DHX35: variants seen among roughly 807,000 people sequenced by gnomAD.
DHX35 encodes the protein DEAH-box helicase 35.
A neutral mutation model predicts 99.6 loss-of-function variants in DHX35; 84 were observed. The observed-to-expected ratio is 0.84, with a 90% confidence interval of 0.71 to 1.01. The LOEUF (loss-of-function observed/expected upper bound fraction) is 1.01, where lower values mean the gene tolerates loss of function less well. DHX35 is among the 50% of genes least tolerant of loss of function. DHX35 has a pLI of 0.00. For synonymous variants in DHX35, 331 were observed against 316.2 expected (o/e 1.05, Z -0.50); for missense variants, 852 against 888.5 (o/e 0.96, Z 0.52).
At chr20:38,986,407 T>A (rs1014128982) in intron 4 of DHX35, among the ~76,000 whole-genome samples, 1 of 152,174 alleles carries the variant, frequency 6.6e-6, no homozygotes, top group African/African-American at 2.4e-5. Flanking sequence ...TTATAGCAAA[T>A]GTATTCAAAT....
chr20:38,963,559 A>T (rs1275842958), intron 1 of DHX35, among the ~76,000 whole-genome samples: 1 of 152,248 alleles, frequency 6.6e-6, no homozygotes, highest in Non-Finnish European at 1.5e-5. Context: ...CTAGGAACTT[A>T]CTAAGTAATG....
In DHX35 at chr20:39,025,281, C is replaced by T; in HGVS notation, c.1723C>T (p.Leu575Phe). The change falls in exon 18 of 22, where the codon CTT becomes TTT. Residue 575 changes from leucine to phenylalanine, a missense_variant. Physicochemically the swap from Leu to Phe is conservative, Grantham distance 22 (BLOSUM62 0). Transcript: ENST00000252011. ...GGAACATTTCCTGAATTACAAGGGT[C>T]TTGTCAGAGCTGCGACTGTAAGAGA... ...CQEHFLNYKG[L>F]VRAATVREQL... 6.2e-7 allele frequency: 1 copy of T among 1,613,572 alleles called. No individual in the cohort carries two copies. The highest frequency in any genetic ancestry group is 8.5e-7 in the Non-Finnish European group (1 of 1,179,738).
intron 6 of DHX35, among the ~76,000 whole-genome samples, chr20:38,991,717 A>G (rs1038157378): frequency 6.6e-6 from 1 of 152,238 alleles, no homozygotes; most frequent in Non-Finnish European, 1.5e-5. Flanking sequence ...AAATGGGCAC[A>G]TTAAAATTCC....
At chr20:39,015,713 C>T (rs1450587097) in intron 14 of DHX35, among the ~76,000 whole-genome samples, 1 of 151,926 alleles carries the variant, frequency 6.6e-6, no homozygotes, top group Admixed American at 6.6e-5. Flanking sequence ...ATACAATTCA[C>T]TCGTTTACAG....
intron 1 of DHX35, among the ~76,000 whole-genome samples, chr20:38,966,048 A>G (rs188711050): frequency 3.3e-5 from 5 of 152,362 alleles, no homozygotes; most frequent in African/African-American, 1.2e-4. Context: ...CTATTTCATT[A>G]TTTAAAAAGT....
At chr20:38,995,880 A>G (rs909815283) in intron 8 of DHX35, among the ~76,000 whole-genome samples, 1 of 152,218 alleles carries the variant, frequency 6.6e-6, no homozygotes, top group African/African-American at 2.4e-5. Flanking sequence ...TCACAGGGAC[A>G]TGACCATGAG....
At chr20:38,990,826 T>C (rs1251710179) in intron 5 of DHX35, among the ~76,000 whole-genome samples, 2 of 152,158 alleles carry the variant, frequency 1.3e-5, no homozygotes, top group Non-Finnish European at 2.9e-5. Flanking sequence ...TACTATCTTA[T>C]TTATTTTTCA....
intron 3 of DHX35, among the ~76,000 whole-genome samples, chr20:38,977,304 G>A (rs1197745857): frequency 1.3e-5 from 2 of 152,030 alleles, no homozygotes; most frequent in Admixed American, 6.6e-5. Flanking sequence ...GGGTGAGGTG[G>A]TATCTCATTG....
rs904026095 is a variant in DHX35, at chr20:39,001,126, A to G, written c.643-604A>G. On this transcript the variant is annotated intron_variant, in intron 8 of 21. Coordinates refer to ENST00000252011, the MANE Select transcript of DHX35 (RefSeq NM_021931.4). ...CAAGAGACACTTCTCCCAACAGGGT[A>G]CTGCACGAGTGTTGGGGAAGTACAT... Among the ~76,000 whole-genome samples the G allele has an allele frequency of 7.9e-5, 12 of 152,228 alleles. No individual in the cohort carries two copies. In the East Asian group the frequency reaches 2.3e-3, roughly 29 times the overall value.
At chr20:38,972,191 G>T (rs143513582) in intron 2 of DHX35, among the ~76,000 whole-genome samples, 1 of 151,898 alleles carries the variant, frequency 6.6e-6, no homozygotes, top group East Asian at 1.9e-4. Flanking sequence ...TGTATTTTTA[G>T]TAGAGACAGG....
chr20:38,978,326 C>A, intron 3 of DHX35: 1 of 755,506 alleles, frequency 1.3e-6, no homozygotes, highest in Non-Finnish European at 2.4e-6. Context: ...TCATTATCCA[C>A]CTTAAAGTGA....
chr20:39,011,967 G>T (rs1220534569), intron 13 of DHX35, among the ~76,000 whole-genome samples: 1 of 152,142 alleles, frequency 6.6e-6, no homozygotes, highest in Non-Finnish European at 1.5e-5. Context: ...AGATAAACAG[G>T]CTGAGCGTGG....
At chr20:38,962,442 C>A (rs1304617922) in intron 1 of DHX35, 35 bp downstream of exon 1, 1 of 1,606,754 alleles carries the variant, frequency 6.2e-7, no homozygotes, top group African/African-American at 1.3e-5. Flanking sequence ...GCAGATGCGG[C>A]GGCCTGACTT....
At position 39,038,900 on chromosome 20, in the gene DHX35, C is replaced by G. The variant is rs1212517474; in HGVS notation, c.*357C>G. On this transcript the variant is annotated 3_prime_UTR_variant, in exon 22 of 22. Transcript: ENST00000252011. ...AAGTTAGCCACTGAAGGCCAAAACA[C>G]CATGTGGGGTGGACAGAGGGTTTGC... The G allele has an allele frequency of 3.1e-6, 1 of 325,674 alleles. No individual in the cohort carries two copies. Among genetic ancestry groups the G allele is most frequent in the Non-Finnish European group, 5.7e-6 (1 of 173,916 alleles). The allele number at this position is 325,674 out of a possible 1,614,324, so 20.2% of individuals were successfully genotyped here. A position where few individuals can be genotyped will look rare whatever the true frequency, so the allele number is the denominator to read the frequency against.
rs1244706130 is a variant in DHX35 at position 38,969,113 on chromosome 20, G to A, written c.73G>A (p.Glu25Lys). Residue 25 changes from glutamate (E) to lysine (K), a missense_variant, in exon 2 of 22, where the codon GAG (glutamate) becomes AAG (lysine). Glu to Lys is a moderately conservative substitution (Grantham distance 56). Transcript: ENST00000252011. ...GGGGCCAGGTGTAAGCATCTCTGAA[G>A]AGAGACAAAGTCTGGCTGAAAACTC... ...TEGPGVSISE[E>K]RQSLAENSGT... 1 of 1,613,532 alleles carries A rather than the reference G, an allele frequency of 6.2e-7. No homozygotes were observed. Among genetic ancestry groups the A allele is most frequent in the South Asian group, 1.1e-5 (1 of 91,034 alleles).
At chr20:38,987,757 A>G (rs752350984) in intron 4 of DHX35, among the ~76,000 whole-genome samples, 7 of 152,136 alleles carry the variant, frequency 4.6e-5, no homozygotes, top group African/African-American at 7.2e-5. Flanking sequence ...TGGTCTTCAT[A>G]ATGTATTACA....
chr20:39,030,666 T>C (rs754124173), intron 19 of DHX35, 38 bp from the exon 20 acceptor site: 5 of 1,593,876 alleles, frequency 3.1e-6, no homozygotes, highest in Non-Finnish European at 8.6e-7. Context: ...TATAAGTATT[T>C]AAAATGTGCT....
intron 3 of DHX35, among the ~76,000 whole-genome samples, chr20:38,972,939 C>A (rs752250310): frequency 3.3e-5 from 5 of 152,122 alleles, no homozygotes; most frequent in Non-Finnish European, 7.4e-5. Context: ...GAGTTTTTAT[C>A]CTTAAATAGT....
At position 39,035,232 on chromosome 20, in the gene DHX35, C is replaced by T. The variant is rs931878467; in HGVS notation, c.2067+915C>T. On this transcript the variant is annotated intron_variant, in intron 21 of 21. Transcript: ENST00000252011. The stretch of plus-strand genomic sequence containing the variant: ...GATTACAGGCGTGCGCCACCATGCC[C>T]GGCTAATTTTTGTATTTTTAGTAGA... Among the ~76,000 whole-genome samples, 7 of 152,118 alleles carry T rather than the reference C, an allele frequency of 4.6e-5. No homozygotes were observed. The South Asian group carries it at 1.2e-3, about 27-fold the overall frequency.
Sources: allele counts gnomAD v4.1 joint callset (sites outside exome capture counted in the v4.1 genomes callset), GRCh38; gene constraint gnomAD v4.1.1; transcripts MANE v1.5; gene names NCBI Gene and HGNC (gene_info 2026-07-23, HGNC 2026-07-21).